ERBB4: variants seen among roughly 807,000 people sequenced by gnomAD.
The protein encoded by ERBB4 is erb-b2 receptor tyrosine kinase 4, also known as receptor tyrosine-protein kinase erbB-4.
ERBB4 carries 42 observed loss-of-function variants against 158.0 expected under a neutral mutation model. The ratio of observed to expected loss-of-function variants is 0.27; its 90% confidence interval spans 0.21 to 0.34. The LOEUF (loss-of-function observed/expected upper bound fraction) is 0.34. Ranked by LOEUF, ERBB4 falls within the 10% of genes least tolerant of loss-of-function variation. The pLI is 1.00. For missense variants in ERBB4, 1,333 were observed against 1,624.1 expected, an observed-to-expected ratio of 0.82 and a Z score of 3.08; for synonymous variants, 583 against 558.7, an observed-to-expected ratio of 1.04 and a Z score of -0.61.
At chr2:212,402,751 TTAA>T (rs1553633859) in intron 1 of ERBB4, among the ~76,000 whole-genome samples, 1 of 152,076 alleles carries the variant, frequency 6.6e-6, no homozygotes, top group Non-Finnish European at 1.5e-5. Flanking sequence ...GGTTTGTAAA[TTAA>T]TAAACTCTAA....
intron 1 of ERBB4, among the ~76,000 whole-genome samples, chr2:212,366,066 G>C: frequency 6.6e-6 from 1 of 151,834 alleles, no homozygotes; most frequent in Non-Finnish European, 1.5e-5. Context: ...GTGGCAGTGA[G>C]GCAAAGAAGA....
chr2:212,414,274 G>T (rs1291642680), intron 1 of ERBB4, among the ~76,000 whole-genome samples: 1 of 152,086 alleles, frequency 6.6e-6, no homozygotes, highest in African/African-American at 2.4e-5. Flanking sequence ...TTCTCAATTG[G>T]CAGATTCATT....
chr2:212,444,946 C>A lies in ERBB4; in HGVS notation c.82+93503G>T, dbSNP rs76523167. Among the ~76,000 whole-genome samples, 253 of 151,680 alleles carry A rather than the reference C, an allele frequency of 1.7e-3. 1 individual carries two copies. The highest frequency in any genetic ancestry group is 5.9e-3 in the African/African-American group (244 of 41,316). ...AATATGGGTTTGCCTATCTTGCATG[C>A]CATTCTTCTGCCAAAACTAATATCT... On this transcript the variant is annotated intron_variant, in intron 1 of 27. Transcript: ENST00000342788.
intron 3 of ERBB4, among the ~76,000 whole-genome samples, chr2:211,816,329 T>G (rs1010748623): frequency 3.2e-4 from 48 of 151,614 alleles, no homozygotes; most frequent in African/African-American, 9.7e-4. Flanking sequence ...TCACTTGAGG[T>G]CAGGAGTTTG....
Position 211,530,307 on chromosome 2 carries a change from T to C in ERBB4, c.2487+31596A>G, listed in dbSNP as rs577984246. Among the ~76,000 whole-genome samples, 12 of 152,192 alleles carry C rather than the reference T, an allele frequency of 7.9e-5. No individual in the cohort carries two copies. In the South Asian group the frequency reaches 1.9e-3, roughly 24 times the overall value. On this transcript the variant is annotated intron_variant, in intron 20 of 27. Coordinates refer to ENST00000342788, the MANE Select transcript of ERBB4 (RefSeq NM_005235.3). ...TAACCAAAGAAGTGAACAATCTCTA[T>C]AATGAAAACTATAAAACACTGATGG... is the stretch of plus-strand genomic sequence containing the variant.
intron 5 of ERBB4, among the ~76,000 whole-genome samples, chr2:211,746,551 G>T (rs1206143117): frequency 6.6e-6 from 1 of 151,950 alleles, no homozygotes; most frequent in African/African-American, 2.4e-5. Flanking sequence ...CATTCAGGCT[G>T]GGTGCACTGG....
In ERBB4 at chr2:211,685,066, C is replaced by T. The variant is rs553411069; in HGVS notation, c.1490-5882G>A. ...CTATCTGATTTGAATATCTCCTCTC[C>T]TAATCTGTAGCTTATACTTTCATTC... On this transcript the variant is annotated intron_variant, in intron 12 of 27. Coordinates refer to ENST00000342788, the MANE Select transcript of ERBB4 (RefSeq NM_005235.3). 1.5e-3 allele frequency among the ~76,000 whole-genome samples: 231 copies of T among 152,194 alleles called. 1 individual carries two copies. The highest frequency in any genetic ancestry group is 2.2e-3 in the Non-Finnish European group (148 of 68,032).
intron 1 of ERBB4, among the ~76,000 whole-genome samples, chr2:212,333,491 C>A (rs1200235878): frequency 2.0e-5 from 3 of 146,356 alleles, no homozygotes; most frequent in Non-Finnish European, 3.0e-5. Flanking sequence ...CCAGCCTGAG[C>A]AATATGGTGA....
chr2:212,289,517 C>T (rs1294147383), intron 1 of ERBB4, among the ~76,000 whole-genome samples: 2 of 152,156 alleles, frequency 1.3e-5, no homozygotes, highest in African/African-American at 4.8e-5. Context: ...CTTATACAAG[C>T]AAACTTTTAT....
intron 19 of ERBB4, among the ~76,000 whole-genome samples, chr2:211,603,185 C>T (rs181455370): frequency 1.3e-5 from 2 of 152,102 alleles, no homozygotes; most frequent in Non-Finnish European, 2.9e-5. Flanking sequence ...GAGCCGAGAT[C>T]GCGTCACTGC....
chr2:212,090,073 T>C (rs925292128), intron 2 of ERBB4, among the ~76,000 whole-genome samples: 1 of 152,076 alleles, frequency 6.6e-6, no homozygotes, highest in Admixed American at 6.6e-5. Flanking sequence ...TTCACAGCTG[T>C]CAGCCTATCA....
At chr2:212,261,338 G>A (rs564691635) in intron 1 of ERBB4, among the ~76,000 whole-genome samples, 5 of 152,208 alleles carry the variant, frequency 3.3e-5, no homozygotes, top group South Asian at 2.1e-4. Flanking sequence ...AGATGACGAC[G>A]AACAACTTAT....
chr2:211,569,575 C>G (rs537324481), intron 19 of ERBB4, among the ~76,000 whole-genome samples: 1 of 152,170 alleles, frequency 6.6e-6, no homozygotes, highest in Middle Eastern at 3.4e-3. Flanking sequence ...AAACGGTGGT[C>G]GCAGAGCTAC....
chr2:211,966,652 T>A (rs1489488387), intron 2 of ERBB4, among the ~76,000 whole-genome samples: 1 of 152,242 alleles, frequency 6.6e-6, no homozygotes, highest in Admixed American at 6.5e-5. Flanking sequence ...GGTGTTTATA[T>A]ACCATTACAT....
Position 212,003,063 on chromosome 2 carries a change from A to AAGAGAG in ERBB4, c.235-55453_235-55448dup, listed in dbSNP as rs148188443. ...AGCGAAACTCTGTCTCAAAAGAGAA[A>AAGAGAG]AGAGAGAGAGAGAGAGAGAGAAAGA... On this transcript the variant is annotated intron_variant, in intron 2 of 27. Transcript: ENST00000342788. 2.2e-3 allele frequency among the ~76,000 whole-genome samples: 251 copies of AAGAGAG among 113,948 alleles called. 4 individuals are homozygous for AAGAGAG. The highest frequency in any genetic ancestry group is 6.7e-3 in the African/African-American group (229 of 34,422). 74.8% of individuals were successfully genotyped at this position (113,948 alleles called of 152,430 possible). A position where few individuals can be genotyped will look rare whatever the true frequency, so the allele number is the denominator to read the frequency against.
At chr2:211,718,957 C>G (rs1172679352) in intron 7 of ERBB4, among the ~76,000 whole-genome samples, 1 of 152,092 alleles carries the variant, frequency 6.6e-6, no homozygotes, top group Non-Finnish European at 1.5e-5. Context: ...AGCTGAGAAA[C>G]CAGGGAATAG....
At chr2:211,860,760 T>G (rs1182370177) in intron 3 of ERBB4, among the ~76,000 whole-genome samples, 2 of 150,768 alleles carry the variant, frequency 1.3e-5, no homozygotes, top group East Asian at 3.9e-4. Flanking sequence ...ATATTAAAAA[T>G]AGGAATATTC....
chr2:212,045,349 C>T lies in ERBB4; in HGVS notation c.234+79403G>A, dbSNP rs867625243. Reference sequence around the variant, plus strand: ...GGTGCACATCTGTAGTCCCAGCTACCTGGGAGGCTGAGGCATGAGAATCAC... The same window carrying T: ...GGTGCACATCTGTAGTCCCAGCTACTTGGGAGGCTGAGGCATGAGAATCAC... On this transcript the variant is annotated intron_variant, in intron 2 of 27. Transcript: ENST00000342788. Among the ~76,000 whole-genome samples, 7 of 152,182 alleles carry T rather than the reference C, an allele frequency of 4.6e-5. No individual in the cohort carries two copies. The South Asian group carries it at 1.5e-3, about 32-fold the overall frequency.
chr2:211,803,342 A>C (rs967447507), intron 3 of ERBB4, among the ~76,000 whole-genome samples: 1 of 152,224 alleles, frequency 6.6e-6, no homozygotes, highest in East Asian at 1.9e-4. Context: ...TAATTTTATC[A>C]GTATAGATTA....
Sources: gnomAD v4.1 joint callset for allele counts (sites outside exome capture counted in the v4.1 genomes callset) on GRCh38, gnomAD v4.1.1 for gene constraint, MANE v1.5 for transcripts, NCBI Gene and HGNC (gene_info 2026-07-23, HGNC 2026-07-21) for gene names.